Variants in PHYH observed in about 807,000 individuals in gnomAD.
PHYH encodes phytanoyl-CoA dioxygenase, peroxisomal.
PHYH carries 32 observed loss-of-function variants against 38.5 expected under a neutral mutation model. The ratio of observed to expected loss-of-function variants is 0.83; its 90% CI spans 0.63 to 1.12. PHYH has a LOEUF of 1.12. Among genes scored for constraint, PHYH ranks in the 50% most tolerant of loss-of-function variants. The pLI is 0.00. For synonymous variants in PHYH, 166 were observed against 157.9 expected (o/e 1.05, Z -0.38); for missense variants, 426 against 434.8 (o/e 0.98, Z 0.18).
intron 6 of PHYH, among the ~76,000 whole-genome samples, chr10:13,286,529 C>T (rs966708909): frequency 2.0e-4 from 31 of 151,906 alleles, no homozygotes; most frequent in Non-Finnish European, 1.0e-4. Context: ...AGTGAAAACT[C>T]GTCTCTACTA....
chr10:13,285,260 T>C (rs1835518798), intron 6 of PHYH, among the ~76,000 whole-genome samples: 2 of 152,078 alleles, frequency 1.3e-5, no homozygotes, highest in South Asian at 4.1e-4. Flanking sequence ...CTCAGCTCAC[T>C]GCAACCTCCA....
At chr10:13,281,399 G>GTTTT (rs11430020) in intron 7 of PHYH, among the ~76,000 whole-genome samples, 1 of 145,216 alleles carries the variant, frequency 6.9e-6, no homozygotes, top group African/African-American at 2.5e-5. Context: ...GAGGTATTTA[G>GTTTT]TTTTTTTTTT....
chr10:13,299,899 C>A, intron 1 of PHYH, 69 bp downstream of exon 1: 1 of 1,473,272 alleles, frequency 6.8e-7, no homozygotes, highest in South Asian at 1.3e-5. Context: ...CCACCCGGAC[C>A]AGGGCCACCA....
intron 2 of PHYH, among the ~76,000 whole-genome samples, chr10:13,297,920 G>T (rs953308047): frequency 6.6e-6 from 1 of 151,260 alleles, no homozygotes; most frequent in African/African-American, 2.4e-5. Flanking sequence ...CATAGGAAGG[G>T]CCCGTCTCTA....
chr10:13,294,195 C>CT (rs1835781727), intron 4 of PHYH, among the ~76,000 whole-genome samples: 1 of 152,156 alleles, frequency 6.6e-6, no homozygotes, highest in Non-Finnish European at 1.5e-5. Context: ...GAGCGAGACT[C>CT]TGTCTCCAGA....
chr10:13,294,046 A>AG (rs1260227065), intron 4 of PHYH, among the ~76,000 whole-genome samples: 1 of 151,918 alleles, frequency 6.6e-6, no homozygotes, highest in Non-Finnish European at 1.5e-5. Flanking sequence ...TACTAAAAAT[A>AG]CAAAAATTAG....
intron 3 of PHYH, chr10:13,295,095 A>T: frequency 7.1e-6 from 2 of 281,766 alleles, no homozygotes; most frequent in South Asian, 7.6e-5. Flanking sequence ...AATCCCAGCA[A>T]CTCAGGAGGG....
chr10:13,296,895 A>G (rs1832569529), intron 2 of PHYH, among the ~76,000 whole-genome samples: 1 of 151,926 alleles, frequency 6.6e-6, no homozygotes, highest in Non-Finnish European at 1.5e-5. Context: ...CGGAGCTTGC[A>G]GTGAAGCAAG....
Position 13,288,386 on chromosome 10 carries a change from T to G in PHYH, c.652A>C (p.Lys218Gln), listed in dbSNP as rs1835608080. 4 of 1,614,006 alleles carry G rather than the reference T, an allele frequency of 2.5e-6. No homozygotes were observed. The East Asian group carries it at 8.9e-5, about 36-fold the overall frequency. Residue 218 changes from lysine to glutamine, a missense_variant, in exon 6 of 9, where the codon AAG (lysine) becomes CAG (glutamine). By Grantham distance (53) the Lys-to-Gln change is moderately conservative. Transcript: ENST00000263038. ...TCCCACTTGGGGTAATCGTGGGGCT[T>G]CAGGGAGCCCTTGTGTGTGCCTGGG... ...VLPGTHKGSL[K>Q]PHDYPKWEGG...
chr10:13,282,398 T>C (rs975610434), intron 7 of PHYH, among the ~76,000 whole-genome samples: 3 of 152,000 alleles, frequency 2.0e-5, no homozygotes, highest in African/African-American at 4.8e-5. Context: ...CGAGACCAGA[T>C]TGGCCAACCT....
At position 13,290,638 on chromosome 10, in the gene PHYH, C is replaced by A. The variant is rs917242214; in HGVS notation, c.496+1193G>T. Among the ~76,000 whole-genome samples, 4 of 152,186 alleles carry A rather than the reference C, an allele frequency of 2.6e-5. No individual in the cohort carries two copies. The East Asian group carries it at 5.8e-4, about 22-fold the overall frequency. On this transcript the variant is annotated intron_variant, in intron 5 of 8. Transcript: ENST00000263038. ...CTGGACTTGAACTCCTGGGCTCCAG[C>A]GATCCTCCCCCCGCAGCCTCCTGAG...
At position 13,299,745 on chromosome 10, in the gene PHYH, C is replaced by G. The variant is rs732702; in HGVS notation, c.75+223G>C. ...GAGGGCAGGGCAACGCGGCAATTGC[C>G]CCGACCCCAGGGCGGCCGCGCGTGT... is the stretch of plus-strand genomic sequence containing the variant. On this transcript the variant is annotated intron_variant, in intron 1 of 8. Coordinates refer to ENST00000263038, the MANE Select transcript of PHYH (RefSeq NM_006214.4). 1.8e-4 allele frequency: 238 copies of G among 1,309,006 alleles called. 1 individual carries two copies. In the East Asian group the frequency reaches 5.7e-3, roughly 31 times the overall value. 81.1% of individuals were successfully genotyped at this position (1,309,006 alleles called of 1,614,324 possible). A position where few individuals can be genotyped will look rare whatever the true frequency, so the allele number is the denominator to read the frequency against.
At chr10:13,291,067 G>T (rs943631980) in intron 5 of PHYH, among the ~76,000 whole-genome samples, 4 of 125,210 alleles carry the variant, frequency 3.2e-5, no homozygotes. Context: ...TCGCGCTATC[G>T]CACTCCAGCC....
chr10:13,292,667 G>A (rs912527664), intron 4 of PHYH, among the ~76,000 whole-genome samples: 3 of 152,122 alleles, frequency 2.0e-5, no homozygotes, highest in Non-Finnish European at 2.9e-5. Flanking sequence ...GTGCGTTAGC[G>A]CACACCTGTA....
At position 13,298,229 on chromosome 10, in the gene PHYH, G is replaced by A. The variant is rs752742972; in HGVS notation, c.92C>T (p.Ser31Leu). ...SAGAVVAHPT[S>L]GTISSASFHP... is the part of the protein sequence containing the mutation. ...GAAACTGGCAGAGGAAATAGTCCCT[G>A]AAGTGGGATGAGCTACCTAGGATGT... Residue 31 changes from serine (S) to leucine (L), a missense_variant, in exon 2 of 9, where the codon TCA becomes TTA. Physicochemically the swap from Ser to Leu is moderately radical, Grantham distance 145 (BLOSUM62 -2). Transcript: ENST00000263038. The A allele has an allele frequency of 6.2e-7, 1 of 1,604,728 alleles. No homozygotes were observed. Among genetic ancestry groups the A allele is most frequent in the South Asian group, 1.1e-5 (1 of 90,928 alleles).
chr10:13,293,167 G>A (rs1835755101), intron 4 of PHYH, among the ~76,000 whole-genome samples: 3 of 152,048 alleles, frequency 2.0e-5, no homozygotes, highest in African/African-American at 7.2e-5. Context: ...GTATTTTTTT[G>A]TATTCATCTA....
At chr10:13,292,253 T>C (rs1398455264) in intron 4 of PHYH, among the ~76,000 whole-genome samples, 1 of 152,182 alleles carries the variant, frequency 6.6e-6, no homozygotes, top group Non-Finnish European at 1.5e-5. Flanking sequence ...TTCCTCTTCC[T>C]CATTGGAGCC....
chr10:13,289,938 CAAAA>C (rs151163708), intron 5 of PHYH, among the ~76,000 whole-genome samples: 2 of 85,994 alleles, frequency 2.3e-5, no homozygotes, highest in Non-Finnish European at 2.3e-5. Context: ...GACTCTGTCT[CAAAA>C]AAAAAAAAAA....
chr10:13,296,270 T>TGTTCAAAATGTTAACCATG (rs11271295), intron 2 of PHYH, among the ~76,000 whole-genome samples: 1 of 151,454 alleles, frequency 6.6e-6, no homozygotes, highest in African/African-American at 2.4e-5. Flanking sequence ...TTACGCTTTA[T>TGTTCAAAATGTTAACCATG]GTCACCAAAA....
Sources: allele counts gnomAD v4.1 joint callset (sites outside exome capture counted in the v4.1 genomes callset), GRCh38; gene constraint gnomAD v4.1.1; transcripts MANE v1.5; gene names NCBI Gene and HGNC (gene_info 2026-07-23, HGNC 2026-07-21).